Variants in AOPEP observed in about 807,000 individuals in gnomAD.
The protein encoded by AOPEP is aminopeptidase O.
Under a neutral mutation model 98.1 loss-of-function variants are expected in AOPEP, and 77 were observed. That is an observed-to-expected ratio of 0.78 (90% CI 0.65 to 0.95). AOPEP has a LOEUF of 0.95. Among genes scored for constraint, AOPEP ranks in the 40% least tolerant of loss-of-function variants. AOPEP has a pLI of 0.00. For synonymous variants in AOPEP, 346 were observed against 365.3 expected (o/e 0.95, Z 0.60); for missense variants, 1,024 against 1,024.7 (o/e 1.00, Z 0.01).
rs530846702 is a variant in AOPEP at position 94,742,494 on chromosome 9, C to T, written c.-136+15743C>T. Among the ~76,000 whole-genome samples the T allele has an allele frequency of 4.0e-5, 6 of 151,482 alleles. No individual in the cohort carries two copies. The South Asian group carries it at 8.3e-4, about 21-fold the overall frequency. On this transcript the variant is annotated intron_variant, in intron 1 of 16. Transcript: ENST00000375315. ...GTCGCCAGGCTGATGAGTGCAGTGG[C>T]GCGATCCTTGGCTCACTGCAACCTC...
At chr9:95,077,061 G>A (rs970311023) in intron 14 of AOPEP, among the ~76,000 whole-genome samples, 2 of 152,196 alleles carry the variant, frequency 1.3e-5, no homozygotes, top group African/African-American at 4.8e-5. Flanking sequence ...GGGAGGAGAG[G>A]GGGAGGGGAC....
At chr9:94,839,356 T>C (rs759538633) in intron 5 of AOPEP, among the ~76,000 whole-genome samples, 1 of 152,064 alleles carries the variant, frequency 6.6e-6, no homozygotes, top group Non-Finnish European at 1.5e-5. Context: ...CCAAAGTGGC[T>C]GGGATTATAG....
At chr9:94,925,231 C>T (rs1389409496) in intron 6 of AOPEP, among the ~76,000 whole-genome samples, 2 of 152,330 alleles carry the variant, frequency 1.3e-5, no homozygotes, top group African/African-American at 2.4e-5. Flanking sequence ...CCTCGTGATC[C>T]GCCCACCTTG....
In AOPEP at chr9:94,789,623, G is replaced by A. The variant is rs188690858; in HGVS notation, c.965-3142G>A. On this transcript the variant is annotated intron_variant, in intron 3 of 16. Coordinates refer to ENST00000375315, the MANE Select transcript of AOPEP (RefSeq NM_001193329.3). Reference sequence around the variant, plus strand: ...CAGTCATGGGAGACATTGGGTTCCAGGTAATGTAGGTAGTTACGGAAAGAC... The same window carrying A: ...CAGTCATGGGAGACATTGGGTTCCAAGTAATGTAGGTAGTTACGGAAAGAC... Among the ~76,000 whole-genome samples, 106 of 152,280 alleles carry A rather than the reference G, an allele frequency of 7.0e-4. 2 individuals carry two copies. Among genetic ancestry groups the A allele is most frequent in the Admixed American group, 2.5e-3 (39 of 15,300 alleles).
intron 5 of AOPEP, among the ~76,000 whole-genome samples, chr9:94,811,261 A>G (rs192695194): frequency 1.6e-4 from 25 of 152,210 alleles, no homozygotes; most frequent in African/African-American, 4.6e-4. Flanking sequence ...TCAAGTACCA[A>G]TGTGTGCTTC....
chr9:95,007,743 T>G (rs2062147354), intron 13 of AOPEP, among the ~76,000 whole-genome samples: 1 of 152,226 alleles, frequency 6.6e-6, no homozygotes, highest in Admixed American at 6.5e-5. Flanking sequence ...GCTCACTGTT[T>G]TGCTTCTGCC....
intron 1 of AOPEP, among the ~76,000 whole-genome samples, chr9:94,730,835 T>G (rs1830351347): frequency 6.6e-6 from 1 of 152,178 alleles, no homozygotes; most frequent in Non-Finnish European, 1.5e-5. Context: ...GTTGGGTCGG[T>G]GGTTGTAATT....
chr9:95,049,975 G>C (rs887872118), intron 13 of AOPEP, among the ~76,000 whole-genome samples: 1 of 152,176 alleles, frequency 6.6e-6, no homozygotes. Context: ...ACTTCAGGCT[G>C]CTCCAGGCTC....
rs2061949578 is a variant in AOPEP, at chr9:95,005,604, G to A, written c.2103G>A (p.Glu701=). 12 of 1,614,042 alleles carry A rather than the reference G, an allele frequency of 7.4e-6. No homozygotes were observed. The East Asian group carries it at 2.5e-4, about 33-fold the overall frequency. The part of the protein sequence containing the change: ...PRKRKRREKE[E]VFEKLLPDQL... ...AACGGAAGCGCAGGGAGAAGGAAGA[G>A]GTGTTTGAAAAGGTAGGGGTTCCCG... Residue 701 remains glutamate, a synonymous_variant, in exon 13 of 17, where the codon GAG becomes GAA. Coordinates refer to ENST00000375315, the MANE Select transcript of AOPEP (RefSeq NM_001193329.3).
At chr9:95,127,794 C>T in the AOPEP span, among the ~76,000 whole-genome samples, 2 of 152,226 alleles carry the variant, frequency 1.3e-5, no homozygotes, top group Non-Finnish European at 2.9e-5. Context: ...GCGGCCTCCC[C>T]GATGACATTG....
chr9:94,834,096 C>T (rs2041250209), intron 5 of AOPEP, among the ~76,000 whole-genome samples: 1 of 152,080 alleles, frequency 6.6e-6, no homozygotes, highest in South Asian at 2.1e-4. Context: ...AATTAAATGA[C>T]ACTACCGGAA....
intron 13 of AOPEP, among the ~76,000 whole-genome samples, chr9:95,049,934 G>A (rs1448968018): frequency 6.6e-6 from 1 of 152,166 alleles, no homozygotes; most frequent in African/African-American, 2.4e-5. Flanking sequence ...TGGCAGCAAA[G>A]TCGCATTTCA....
intron 1 of AOPEP, among the ~76,000 whole-genome samples, chr9:94,752,497 G>A (rs1255539566): frequency 1.3e-5 from 2 of 152,038 alleles, no homozygotes; most frequent in Admixed American, 6.6e-5. Flanking sequence ...GTGGAATCTT[G>A]TATTCAAAGT....
At chr9:94,917,270 T>C (rs1481204526) in intron 5 of AOPEP, among the ~76,000 whole-genome samples, 1 of 151,824 alleles carries the variant, frequency 6.6e-6, no homozygotes, top group Non-Finnish European at 1.5e-5. Flanking sequence ...GAGCTGCCAC[T>C]GAGCCAGAGG....
chr9:95,088,212 T>TC, downstream of AOPEP, among the ~76,000 whole-genome samples: 1 of 152,110 alleles, frequency 6.6e-6, no homozygotes, highest in East Asian at 1.9e-4. Context: ...CTTTTTTTTT[T>TC]CCTTCCTTTC....
intron 5 of AOPEP, among the ~76,000 whole-genome samples, chr9:94,840,862 G>C (rs1256255914): frequency 1.3e-5 from 2 of 151,670 alleles, no homozygotes; most frequent in Non-Finnish European, 2.9e-5. Flanking sequence ...TTGGTAAGTT[G>C]TTCTTTTTCT....
At chr9:94,931,811 CT>C in intron 7 of AOPEP, 1 of 1,545,122 alleles carries the variant, frequency 6.5e-7, no homozygotes, top group Non-Finnish European at 8.7e-7. Context: ...ACGCTTTCTT[CT>C]TAAAGCACTT....
rs374300677 is a variant in AOPEP at position 94,760,251 on chromosome 9, C to A, written c.468C>A (p.Val156=). ...GCTGTGATTTATCTGTGTTAAAAGT[C>A]GAGGAGGTGGATGTTGCTGCTGTGC... is the stretch of plus-strand genomic sequence containing the variant. ...LDCCDLSVLK[V]EEVDVAAVPG... Residue 156 remains valine (V), a synonymous_variant, in exon 2 of 17, where the codon GTC becomes GTA. Transcript: ENST00000375315. 6.2e-7 allele frequency: 1 copy of A among 1,614,056 alleles called. No homozygotes were observed. Among genetic ancestry groups the A allele is most frequent in the South Asian group, 1.1e-5 (1 of 91,044 alleles).
At chr9:94,801,913 T>G (rs1301388050) in intron 5 of AOPEP, among the ~76,000 whole-genome samples, 1 of 152,220 alleles carries the variant, frequency 6.6e-6, no homozygotes, top group Non-Finnish European at 1.5e-5. Flanking sequence ...CCCTGAAAAC[T>G]GCACACATTC....
Sources: allele counts gnomAD v4.1 joint callset (sites outside exome capture counted in the v4.1 genomes callset), GRCh38; gene constraint gnomAD v4.1.1; transcripts MANE v1.5; gene names NCBI Gene and HGNC (gene_info 2026-07-23, HGNC 2026-07-21).